Variants in PTPRD observed in about 807,000 individuals in gnomAD.
PTPRD encodes receptor-type tyrosine-protein phosphatase delta.
Under a neutral mutation model 214.5 loss-of-function variants are expected in PTPRD, and 34 were observed. The ratio of observed to expected loss-of-function variants is 0.16; its 90% CI spans 0.12 to 0.21. PTPRD has a LOEUF of 0.21. Among genes scored for constraint, PTPRD ranks in the 10% least tolerant of loss-of-function variants. The pLI, the probability that PTPRD is intolerant of heterozygous loss-of-function variation, is 1.00. For missense variants in PTPRD, 2,545 were observed against 2,398.7 expected (o/e 1.06, Z -1.27); for synonymous variants, 1,128 against 845.7 (o/e 1.33, Z -5.79).
At chr9:8,324,445 G>T (rs760396833) in intron 44 of PTPRD, among the ~76,000 whole-genome samples, 13 of 151,392 alleles carry the variant, frequency 8.6e-5, no homozygotes, top group Non-Finnish European at 1.9e-4. Context: ...CTTTTTTATG[G>T]CTGCACAGTA....
intron 11 of PTPRD, among the ~76,000 whole-genome samples, chr9:8,939,624 A>T (rs148216230): frequency 6.6e-6 from 1 of 152,168 alleles, no homozygotes; most frequent in Non-Finnish European, 1.5e-5. Flanking sequence ...CTGCACTGCA[A>T]ATCTTTCCAA....
chr9:9,465,893 C>A (rs922299252), intron 8 of PTPRD, among the ~76,000 whole-genome samples: 50 of 151,768 alleles, frequency 3.3e-4, no homozygotes, highest in African/African-American at 1.2e-3. Flanking sequence ...TCCTAATACA[C>A]CCAATCGGCC....
chr9:9,464,379 C>T (rs529591133), intron 8 of PTPRD, among the ~76,000 whole-genome samples: 11 of 152,110 alleles, frequency 7.2e-5, no homozygotes, highest in Admixed American at 5.2e-4. Context: ...TCTCTTACTA[C>T]TTATTTTTAT....
intron 2 of PTPRD, among the ~76,000 whole-genome samples, chr9:10,446,563 T>C (rs1434102042): frequency 6.6e-6 from 1 of 151,316 alleles, no homozygotes; most frequent in African/African-American, 2.4e-5. Flanking sequence ...TTTTAAAAAA[T>C]CATAAATGTG....
At chr9:8,938,578 C>T (rs1326656927) in intron 11 of PTPRD, among the ~76,000 whole-genome samples, 1 of 151,994 alleles carries the variant, frequency 6.6e-6, no homozygotes, top group East Asian at 1.9e-4. Flanking sequence ...GTTCACACCT[C>T]CTCATAATTG....
chr9:10,265,148 G>A (rs1381721240), intron 3 of PTPRD, among the ~76,000 whole-genome samples: 1 of 152,076 alleles, frequency 6.6e-6, no homozygotes, highest in Admixed American at 6.6e-5. Flanking sequence ...ATGACACCGT[G>A]ACTCCCTTTA....
intron 11 of PTPRD, among the ~76,000 whole-genome samples, chr9:8,928,837 T>C (rs971431405): frequency 6.6e-6 from 1 of 152,190 alleles, no homozygotes; most frequent in Non-Finnish European, 1.5e-5. Flanking sequence ...GGAATGTTTT[T>C]CCATTTGTTT....
intron 12 of PTPRD, among the ~76,000 whole-genome samples, chr9:8,672,395 C>G (rs1472737065): frequency 6.6e-6 from 1 of 152,062 alleles, no homozygotes; most frequent in Non-Finnish European, 1.5e-5. Flanking sequence ...CTACACATAT[C>G]TACAAAACAT....
At chr9:9,007,614 A>G (rs2154359666) in intron 11 of PTPRD, among the ~76,000 whole-genome samples, 1 of 151,852 alleles carries the variant, frequency 6.6e-6, no homozygotes, top group South Asian at 2.1e-4. Flanking sequence ...AGAGACCATC[A>G]TGCCTTTACC....
chr9:10,040,680 A>G (rs920346552), intron 3 of PTPRD, among the ~76,000 whole-genome samples: 1 of 152,068 alleles, frequency 6.6e-6, no homozygotes, highest in Admixed American at 6.6e-5. Flanking sequence ...AATGGCTTAA[A>G]CATTTTCTTC....
At chr9:10,176,388 T>G (rs1340944639) in intron 3 of PTPRD, among the ~76,000 whole-genome samples, 1 of 151,772 alleles carries the variant, frequency 6.6e-6, no homozygotes, top group East Asian at 1.9e-4. Flanking sequence ...CTTTCAACAA[T>G]CTAAACCAAA....
At chr9:8,923,437 C>T (rs1490331767) in intron 11 of PTPRD, among the ~76,000 whole-genome samples, 2 of 151,468 alleles carry the variant, frequency 1.3e-5, no homozygotes, top group African/African-American at 4.9e-5. Flanking sequence ...TCTCCTAAGC[C>T]CCAACCACAC....
At position 9,303,565 on chromosome 9, in the gene PTPRD, T is replaced by G. The variant is rs533962051; in HGVS notation, c.-203+93884A>C. On this transcript the variant is annotated intron_variant, in intron 9 of 45. Coordinates refer to ENST00000381196, the MANE Select transcript of PTPRD (RefSeq NM_002839.4). The stretch of plus-strand genomic sequence containing the variant: ...AAAATGATGAAAGCCTGCTGTGATG[T>G]GGTTATGTGGATTTTACTAAATGTT... Among the ~76,000 whole-genome samples the G allele has an allele frequency of 2.8e-3, 417 of 151,078 alleles. 1 individual carries two copies. Among genetic ancestry groups the G allele is most frequent in the African/African-American group, 9.5e-3 (383 of 40,482 alleles).
intron 7 of PTPRD, 76 bp downstream of exon 7, chr9:9,734,457 A>G (rs2098257265): frequency 6.6e-6 from 1 of 152,088 alleles, no homozygotes; most frequent in Non-Finnish European, 1.5e-5. Flanking sequence ...AGAAATAAAA[A>G]CATACTCCAA....
chr9:8,458,179 C>G (rs2096270951), intron 33 of PTPRD, among the ~76,000 whole-genome samples: 1 of 152,112 alleles, frequency 6.6e-6, no homozygotes, highest in Non-Finnish European at 1.5e-5. Context: ...TCTATTTTAA[C>G]AGAGTCATAA....
chr9:9,716,017 C>G (rs1009191761), intron 7 of PTPRD, among the ~76,000 whole-genome samples: 1 of 151,562 alleles, frequency 6.6e-6, no homozygotes, highest in Non-Finnish European at 1.5e-5. Context: ...CCCCACCCCA[C>G]AACAGTCCCC....
chr9:9,067,989 T>A (rs1024978286), intron 10 of PTPRD, among the ~76,000 whole-genome samples: 1 of 152,192 alleles, frequency 6.6e-6, no homozygotes, highest in Non-Finnish European at 1.5e-5. Flanking sequence ...TCCCCACCTC[T>A]CCCGGCTACC....
In PTPRD at chr9:10,442,918, TATTAGTTGATTG is replaced by T. The variant is rs530632368; in HGVS notation, c.-599-101913_-599-101902del. On this transcript the variant is annotated intron_variant, in intron 2 of 45. Transcript: ENST00000381196. The stretch of plus-strand genomic sequence containing the variant: ...TGACAAATTACCCTTTCTTGACATG[TATTAGTTGATTG>T]TTGTATGTGTAGAAATGAATGTATT... Among the ~76,000 whole-genome samples the T allele has an allele frequency of 1.3e-4, 19 of 151,604 alleles. No homozygotes were observed. The East Asian group carries it at 3.3e-3, about 26-fold the overall frequency.
Position 10,395,773 on chromosome 9 carries a change from C to G in PTPRD, c.-599-54756G>C, listed in dbSNP as rs544823826. Among the ~76,000 whole-genome samples the G allele has an allele frequency of 4.0e-5, 6 of 151,898 alleles. No individual in the cohort carries two copies. In the East Asian group the frequency reaches 7.8e-4, roughly 20 times the overall value. On this transcript the variant is annotated intron_variant, in intron 2 of 45. Transcript: ENST00000381196. The stretch of plus-strand genomic sequence containing the variant: ...GCATAGGAATCCTAGTTTTAAATAC[C>G]TGAATGAAGTGTAATAATCACAAGT...
Sources: gnomAD v4.1 joint callset for allele counts (sites outside exome capture counted in the v4.1 genomes callset) on GRCh38, gnomAD v4.1.1 for gene constraint, MANE v1.5 for transcripts, NCBI Gene and HGNC (gene_info 2026-07-23, HGNC 2026-07-21) for gene names.